CACHD1: variants seen among roughly 807,000 people sequenced by gnomAD.
CACHD1 encodes cache domain containing 1, also known as VWFA and cache domain-containing protein 1.
In CACHD1, 71 loss-of-function variants were observed where a neutral mutation model predicts 138.7. The ratio of observed to expected loss-of-function variants is 0.51; its 90% confidence interval spans 0.42 to 0.62. The LOEUF (loss-of-function observed/expected upper bound fraction) is 0.62. CACHD1 is among the 20% of genes least tolerant of loss of function. CACHD1 has a pLI of 0.00. For synonymous variants in CACHD1, 578 were observed against 591.5 expected, an observed-to-expected ratio of 0.98 and a Z score of 0.33; for missense variants, 1,389 against 1,625.3, an observed-to-expected ratio of 0.85 and a Z score of 2.50.
Position 64,486,566 on chromosome 1 carries a change from A to G in CACHD1, c.198+15624A>G, listed in dbSNP as rs547899232. Reference sequence around the variant, plus strand: ...AATGACATCCAGGATTAGAAATAATAAAGTGTAATCCAGGGTGTATAGAAA... The same window carrying G: ...AATGACATCCAGGATTAGAAATAATGAAGTGTAATCCAGGGTGTATAGAAA... On this transcript the variant is annotated intron_variant, in intron 1 of 26. Coordinates refer to ENST00000651257, the MANE Select transcript of CACHD1 (RefSeq NM_020925.4). 1.2e-4 allele frequency among the ~76,000 whole-genome samples: 18 copies of G among 152,334 alleles called. No individual in the cohort carries two copies. In the South Asian group the frequency reaches 2.7e-3, roughly 23 times the overall value.
intron 13 of CACHD1, among the ~76,000 whole-genome samples, chr1:64,662,745 T>G (rs898618199): frequency 1.3e-5 from 2 of 152,216 alleles, no homozygotes; most frequent in Non-Finnish European, 2.9e-5. Flanking sequence ...ATTTTTATCT[T>G]AAATAGAGAA....
intron 1 of CACHD1, among the ~76,000 whole-genome samples, chr1:64,471,336 C>T (rs1259643015): frequency 6.6e-6 from 1 of 152,210 alleles, no homozygotes; most frequent in African/African-American, 2.4e-5. Flanking sequence ...CCTTTGTGTC[C>T]CCATCCCAGA....
chr1:64,501,028 A>G (rs1012910777), intron 1 of CACHD1, among the ~76,000 whole-genome samples: 6 of 151,176 alleles, frequency 4.0e-5, no homozygotes, highest in African/African-American at 1.5e-4. Context: ...CAGCTGGGTG[A>G]CAGAGTGAGA....
At chr1:64,476,529 A>T (rs554364030) in intron 1 of CACHD1, among the ~76,000 whole-genome samples, 1 of 152,260 alleles carries the variant, frequency 6.6e-6, no homozygotes, top group South Asian at 2.1e-4. Flanking sequence ...CTTGTGTACC[A>T]TATAAGCCTT....
intron 26 of CACHD1, 92 bp downstream of exon 26, chr1:64,682,198 A>G: frequency 8.8e-7 from 1 of 1,134,876 alleles, no homozygotes. Flanking sequence ...TGGTTTTCCA[A>G]AAAGACACAC....
At chr1:64,535,480 C>T (rs2100414448) in intron 1 of CACHD1, among the ~76,000 whole-genome samples, 1 of 152,092 alleles carries the variant, frequency 6.6e-6, no homozygotes, top group Admixed American at 6.6e-5. Context: ...CATGTGCCAC[C>T]ACACCTGGTT....
chr1:64,622,620 A>G (rs1647955418), intron 4 of CACHD1, among the ~76,000 whole-genome samples: 1 of 152,198 alleles, frequency 6.6e-6, no homozygotes, highest in South Asian at 2.1e-4. Context: ...TTGCTAATTC[A>G]TCTAGCATGT....
Position 64,632,761 on chromosome 1 carries a change from GA to G in CACHD1, c.789+19del. On this transcript the variant is annotated intron_variant, in intron 6 of 26. Transcript: ENST00000651257. Reference sequence around the variant, plus strand: ...ATGACAAGGTGACCATGACCCTTGTGACCCCTATGGCATCAGGTTCTCCTTG... The same window carrying G: ...ATGACAAGGTGACCATGACCCTTGTGCCCCTATGGCATCAGGTTCTCCTTG... 6.2e-7 allele frequency: 1 copy of G among 1,613,738 alleles called. No individual in the cohort carries two copies. Among genetic ancestry groups the G allele is most frequent in the Non-Finnish European group, 8.5e-7 (1 of 1,179,764 alleles).
chr1:64,592,069 T>C (rs1439997349), intron 3 of CACHD1, among the ~76,000 whole-genome samples: 2 of 152,202 alleles, frequency 1.3e-5, no homozygotes, highest in African/African-American at 2.4e-5. Context: ...TGGGCAGAAA[T>C]TGAACAATAT....
intron 4 of CACHD1, among the ~76,000 whole-genome samples, chr1:64,625,376 C>G (rs1001351842): frequency 6.6e-6 from 1 of 152,116 alleles, no homozygotes; most frequent in Non-Finnish European, 1.5e-5. Flanking sequence ...CCTGTAATCC[C>G]AGCACTTTGG....
At chr1:64,579,062 A>G (rs1410858654) in intron 2 of CACHD1, among the ~76,000 whole-genome samples, 1 of 152,214 alleles carries the variant, frequency 6.6e-6, no homozygotes, top group Non-Finnish European at 1.5e-5. Context: ...GCTTCTACCT[A>G]TAGCAAAGCA....
At chr1:64,529,725 A>G (rs1646567004) in intron 1 of CACHD1, among the ~76,000 whole-genome samples, 1 of 152,208 alleles carries the variant, frequency 6.6e-6, no homozygotes, top group Admixed American at 6.5e-5. Context: ...ATTTGAATCC[A>G]CAACTGCCTT....
chr1:64,676,736 T>C (rs1650005236), intron 21 of CACHD1, among the ~76,000 whole-genome samples, 159 bp from the exon 22 acceptor site: 1 of 152,158 alleles, frequency 6.6e-6, no homozygotes, highest in South Asian at 2.1e-4. Flanking sequence ...ATAAGTAAAT[T>C]GAAGCTCAGA....
At chr1:64,538,459 A>G (rs1461832229) in intron 1 of CACHD1, among the ~76,000 whole-genome samples, 1 of 152,226 alleles carries the variant, frequency 6.6e-6, no homozygotes, top group Non-Finnish European at 1.5e-5. Flanking sequence ...TCAAAAGTCT[A>G]GCAATTGGCA....
intron 1 of CACHD1, among the ~76,000 whole-genome samples, chr1:64,486,866 T>A (rs1195655891): frequency 6.6e-6 from 1 of 152,202 alleles, no homozygotes; most frequent in Admixed American, 6.5e-5. Flanking sequence ...CATGTAATGT[T>A]GGACCCTGAC....
At chr1:64,612,672 A>T (rs1001659126) in intron 4 of CACHD1, among the ~76,000 whole-genome samples, 1 of 151,824 alleles carries the variant, frequency 6.6e-6, no homozygotes. Flanking sequence ...TTTTAAGCCC[A>T]CTCTGGAGCC....
intron 3 of CACHD1, among the ~76,000 whole-genome samples, chr1:64,598,787 A>C (rs1290736737): frequency 6.6e-6 from 1 of 151,954 alleles, no homozygotes; most frequent in Non-Finnish European, 1.5e-5. Flanking sequence ...ATTATTTATA[A>C]TAAATCTTAT....
Position 64,647,976 on chromosome 1 carries a change from C to T in CACHD1, c.1332C>T (p.Pro444=). The change falls in exon 9 of 27, where the codon CCC becomes CCT. Residue 444 remains proline (P), a synonymous_variant. Transcript: ENST00000651257. ...TGGGCAGGTTCTACACAAACCTTCCCAACCGGATGATTGATGAAGCCGTCT... is the reference window on the plus strand; with the variant it reads ...TGGGCAGGTTCTACACAAACCTTCCTAACCGGATGATTGATGAAGCCGTCT... The part of the protein sequence containing the change: ...TTVGRFYTNL[P]NRMIDEAVFS... 6.2e-7 allele frequency: 1 copy of T among 1,614,012 alleles called. No homozygotes were observed. Among genetic ancestry groups the T allele is most frequent in the African/African-American group, 1.3e-5 (1 of 75,030 alleles).
intron 13 of CACHD1, among the ~76,000 whole-genome samples, chr1:64,661,985 T>C (rs755996640): frequency 6.6e-4 from 101 of 152,166 alleles, no homozygotes; most frequent in African/African-American, 2.3e-3. Context: ...GAGGAATTAC[T>C]GGGCAAAAAT....
Sources: gnomAD v4.1 joint callset for allele counts (sites outside exome capture counted in the v4.1 genomes callset) on GRCh38, gnomAD v4.1.1 for gene constraint, MANE v1.5 for transcripts, NCBI Gene and HGNC (gene_info 2026-07-23, HGNC 2026-07-21) for gene names.